CCSER1: variants seen among roughly 807,000 people sequenced by gnomAD.
The protein encoded by CCSER1 is serine-rich coiled-coil domain-containing protein 1.
In CCSER1, 41 loss-of-function variants were observed where a neutral mutation model predicts 82.0. The ratio of observed to expected loss-of-function variants is 0.50; its 90% CI spans 0.39 to 0.65. CCSER1 has a LOEUF of 0.65. Among genes scored for constraint, CCSER1 ranks in the 30% least tolerant of loss-of-function variants. CCSER1 has a pLI of 0.00. For missense variants in CCSER1, 1,119 were observed against 1,064.2 expected (o/e 1.05, Z -0.72); for synonymous variants, 414 against 383.9 (o/e 1.08, Z -0.92).
At chr4:90,954,406 T>C (rs1412976139) in intron 9 of CCSER1, among the ~76,000 whole-genome samples, 1 of 152,054 alleles carries the variant, frequency 6.6e-6, no homozygotes, top group Non-Finnish European at 1.5e-5. Flanking sequence ...TTCATTTCAG[T>C]TTTTGTTTAT....
intron 3 of CCSER1, among the ~76,000 whole-genome samples, chr4:90,358,766 A>G (rs904262129): frequency 3.3e-5 from 5 of 152,294 alleles, no homozygotes; most frequent in Middle Eastern, 3.4e-3. Flanking sequence ...ATTTGAGTTA[A>G]TAAATTGCAA....
chr4:91,397,681 G>C (rs1341608016), intron 10 of CCSER1, among the ~76,000 whole-genome samples: 1 of 151,976 alleles, frequency 6.6e-6, no homozygotes, highest in African/African-American at 2.4e-5. Context: ...GTATTGGATG[G>C]AAGGCTTCAT....
rs373849605 is a variant in CCSER1 at position 90,881,182 on chromosome 4, A to G, written c.2095-42188A>G. On this transcript the variant is annotated intron_variant, in intron 8 of 10. Transcript: ENST00000509176. ...CTAAAGTTTATACTTTCACTATACA[A>G]TTTTACACTCTTAAATATCAACCTC... Among the ~76,000 whole-genome samples, 8 of 152,190 alleles carry G rather than the reference A, an allele frequency of 5.3e-5. 1 individual carries two copies. The East Asian group carries it at 7.7e-4, about 15-fold the overall frequency.
At chr4:90,189,906 T>C (rs1735308293) in intron 1 of CCSER1, among the ~76,000 whole-genome samples, 1 of 152,014 alleles carries the variant, frequency 6.6e-6, no homozygotes, top group Admixed American at 6.6e-5. Flanking sequence ...GAAAGAAGTG[T>C]AAAGCATATA....
intron 5 of CCSER1, among the ~76,000 whole-genome samples, chr4:90,559,772 T>C (rs1041996067): frequency 2.3e-5 from 3 of 130,582 alleles, no homozygotes; most frequent in Admixed American, 1.8e-4. Flanking sequence ...ATCGCGCCAC[T>C]GCACTCCAGC....
chr4:91,319,059 T>A, intron 10 of CCSER1: 1 of 240,290 alleles, frequency 4.2e-6, no homozygotes, highest in South Asian at 4.1e-5. Flanking sequence ...TGTCCATTTT[T>A]AATCTCCAGA....
chr4:90,853,040 G>C (rs11940698), intron 8 of CCSER1, among the ~76,000 whole-genome samples: 12,319 of 151,546 alleles, frequency 0.081, 1,167 homozygotes, highest in African/African-American at 0.23. Context: ...ATAAAGTACG[G>C]AATAAAGAAG....
rs1764839667 is a variant in CCSER1, at chr4:91,602,187, G to C, written c.*3130G>C. Among the ~76,000 whole-genome samples, 2 of 151,920 alleles carry C rather than the reference G, an allele frequency of 1.3e-5. No homozygotes were observed. The highest frequency in any genetic ancestry group is 6.6e-5 in the Admixed American group (1 of 15,216). On this transcript the variant is annotated 3_prime_UTR_variant, in exon 11 of 11. Transcript: ENST00000509176. ...ATAGTAAGCCAATATTAATTTGTAG[G>C]CATAGTTGCCCCACTTAAAGTGTTT...
intron 8 of CCSER1, among the ~76,000 whole-genome samples, chr4:90,845,964 G>T (rs1057389545): frequency 1.4e-5 from 2 of 145,314 alleles, no homozygotes; most frequent in Non-Finnish European, 3.1e-5. Context: ...TCTATTTATA[G>T]ATTTTTTTTA....
intron 9 of CCSER1, among the ~76,000 whole-genome samples, chr4:91,016,657 G>C (rs115516679): frequency 1.9e-3 from 291 of 152,094 alleles, no homozygotes; most frequent in Non-Finnish European, 3.2e-3. Context: ...ATTGTTAATA[G>C]TGTATGTACA....
At chr4:90,569,873 G>A in intron 5 of CCSER1, among the ~76,000 whole-genome samples, 1 of 152,122 alleles carries the variant, frequency 6.6e-6, no homozygotes, top group East Asian at 1.9e-4. Flanking sequence ...CCACCTGCCT[G>A]GCTGCTCCCA....
At chr4:90,492,896 G>C (rs1358753659) in intron 5 of CCSER1, among the ~76,000 whole-genome samples, 3 of 152,010 alleles carry the variant, frequency 2.0e-5, no homozygotes, top group African/African-American at 4.8e-5. Context: ...GTTTGTTAAA[G>C]CTTCTATTCT....
intron 4 of CCSER1, among the ~76,000 whole-genome samples, chr4:90,444,825 T>C (rs1760410709): frequency 1.3e-5 from 2 of 152,052 alleles, no homozygotes; most frequent in African/African-American, 4.8e-5. Context: ...GCAACTATAA[T>C]TTCTCAACCA....
At chr4:91,124,625 A>C (rs556588179) in intron 10 of CCSER1, among the ~76,000 whole-genome samples, 1 of 151,782 alleles carries the variant, frequency 6.6e-6, no homozygotes, top group African/African-American at 2.4e-5. Context: ...TACCTGTTTT[A>C]GTTTATTATC....
chr4:90,696,674 T>G (rs1011647827), intron 6 of CCSER1, among the ~76,000 whole-genome samples: 1 of 152,168 alleles, frequency 6.6e-6, no homozygotes, highest in Non-Finnish European at 1.5e-5. Context: ...CTAACACTTC[T>G]TATTTAGCAC....
chr4:90,839,301 T>A (rs1293295610), intron 8 of CCSER1, among the ~76,000 whole-genome samples: 1 of 152,230 alleles, frequency 6.6e-6, no homozygotes, highest in South Asian at 2.1e-4. Context: ...GATAAGTTTA[T>A]CAAACGTGTA....
At chr4:90,727,950 CTTCTA>C (rs1402046937) in intron 7 of CCSER1, among the ~76,000 whole-genome samples, 18 of 151,958 alleles carry the variant, frequency 1.2e-4, no homozygotes, top group East Asian at 1.9e-4. Flanking sequence ...GAAAAAAAAA[CTTCTA>C]TTCTATTGTT....
At chr4:91,320,013 A>G (rs1030845779) in intron 10 of CCSER1, among the ~76,000 whole-genome samples, 4 of 152,036 alleles carry the variant, frequency 2.6e-5, no homozygotes, top group Admixed American at 2.6e-4. Flanking sequence ...GATGTGAATC[A>G]TCCTTTTTGT....
At chr4:91,421,738 CTG>C (rs1192562626) in intron 10 of CCSER1, among the ~76,000 whole-genome samples, 2 of 151,260 alleles carry the variant, frequency 1.3e-5, no homozygotes, top group Non-Finnish European at 2.9e-5. Context: ...AATGGCCGCA[CTG>C]TACACCTTCA....
Sources: gnomAD v4.1 joint callset for allele counts (sites outside exome capture counted in the v4.1 genomes callset) on GRCh38, gnomAD v4.1.1 for gene constraint, MANE v1.5 for transcripts, NCBI Gene and HGNC (gene_info 2026-07-23, HGNC 2026-07-21) for gene names.